Variants in FCGR3A observed in about 807,000 individuals in gnomAD.
FCGR3A encodes Fc gamma receptor IIIa, also known as low affinity immunoglobulin gamma Fc region receptor III-A.
In FCGR3A, 13 loss-of-function variants were observed where a neutral mutation model predicts 24.1. The ratio of observed to expected loss-of-function variants is 0.54; its 90% CI spans 0.35 to 0.86. The LOEUF (loss-of-function observed/expected upper bound fraction) is 0.86. Among genes scored for constraint, FCGR3A ranks in the 40% least tolerant of loss-of-function variants. The probability of loss-of-function intolerance (pLI) is 0.01; values close to 1 mark genes in which losing one functional copy is unlikely to be tolerated. For synonymous variants in FCGR3A, 93 were observed against 112.2 expected (o/e 0.83, Z 1.08); for missense variants, 235 against 298.0 (o/e 0.79, Z 1.56).
chr1:161,548,522 C>T lies in FCGR3A; in HGVS notation c.218G>A (p.Ser73Asn), dbSNP rs774794148. 1.9e-6 allele frequency: 3 copies of T among 1,614,026 alleles called. No homozygotes were observed. In the South Asian group the frequency reaches 3.3e-5, roughly 18 times the overall value. ...NESLISSQAS[S>N]YFIDAATVDD... Reference sequence around the variant, plus strand: ...GACTGTGGCAGCGTCAATGAAGTAGCTCGAGGCCTGGCTTGAGATGAGGCT... The same window carrying T: ...GACTGTGGCAGCGTCAATGAAGTAGTTCGAGGCCTGGCTTGAGATGAGGCT... Residue 73 changes from serine to asparagine, a missense_variant, in exon 3 of 5, where the codon AGC (serine) becomes AAC (asparagine). Physicochemically the swap from Ser to Asn is conservative, Grantham distance 46. Coordinates refer to ENST00000443193, the MANE Select transcript of FCGR3A (RefSeq NM_000569.8).
chr1:161,549,829 C>T, upstream of FCGR3A: 4 of 1,613,634 alleles, frequency 2.5e-6, no homozygotes, highest in Non-Finnish European at 3.4e-6. Flanking sequence ...AGCCTTTCCC[C>T]AGCCCCTCCA....
chr1:161,549,863 TC>T (rs1677669180), upstream of FCGR3A: 3 of 1,611,564 alleles, frequency 1.9e-6, no homozygotes, highest in Non-Finnish European at 2.5e-6. Flanking sequence ...CCCACCAATT[TC>T]CTTTTCTTGA....
upstream of FCGR3A, chr1:161,549,896 C>G: frequency 6.3e-7 from 1 of 1,595,568 alleles, no homozygotes; most frequent in Admixed American, 1.7e-5. Flanking sequence ...ACTTCTCAGT[C>G]TGAAGTCTGG....
In FCGR3A at chr1:161,544,758, C is replaced by T; in HGVS notation, c.520G>A (p.Gly174Arg). 1 of 1,612,848 alleles carries T rather than the reference C, an allele frequency of 6.2e-7. No individual in the cohort carries two copies. The highest frequency in any genetic ancestry group is 8.5e-7 in the Non-Finnish European group (1 of 1,179,016). ...LKDSGSYFCRGLFGSKNVSSE... is the reference protein window; with the variant it reads ...LKDSGSYFCRRLFGSKNVSSE... The stretch of plus-strand genomic sequence containing the variant: ...GACACATTTTTACTCCCAAAAAGCC[C>T]CCTGCAGAAGTAGGAGCCGCTGTCT... Residue 174 changes from glycine to arginine, a missense_variant, in exon 4 of 5, where the codon GGG (glycine) becomes AGG (arginine). Transcript: ENST00000443193.
intron 4 of FCGR3A, 104 bp from the exon 5 acceptor site, chr1:161,543,303 A>T (rs532772552): frequency 7.4e-7 from 1 of 1,351,506 alleles, no homozygotes; most frequent in Non-Finnish European, 1.0e-6. Flanking sequence ...AACAGCCAAC[A>T]GGCAAGTGGT....
At chr1:161,546,405 G>A (rs1399217413) in intron 3 of FCGR3A, among the ~76,000 whole-genome samples, 1 of 152,122 alleles carries the variant, frequency 6.6e-6, no homozygotes, top group Admixed American at 6.5e-5. Context: ...ATTTCATCAA[G>A]CACTCACTAT....
Position 161,548,673 on chromosome 1 carries a change from G to A in FCGR3A, c.67C>T (p.Leu23Phe), listed in dbSNP as rs1437138168. 6.8e-6 allele frequency: 11 copies of A among 1,613,766 alleles called. No homozygotes were observed. The highest frequency in any genetic ancestry group is 1.3e-5 in the African/African-American group (1 of 74,890). Residue 23 changes from leucine (L) to phenylalanine (F), a missense_variant, in exon 3 of 5, where the codon CTC becomes TTC. Leu to Phe is a conservative substitution (Grantham distance 22, BLOSUM62 0). Transcript: ENST00000443193. ...TCCAGGAACACCACAGCCTTTGGGA[G>A]ATCTTCTGAGGAGCCAAGATAATGT... is the stretch of plus-strand genomic sequence containing the variant. ...LVSAGMRTEDLPKAVVFLEPQ... is the reference protein window; with the variant it reads ...LVSAGMRTEDFPKAVVFLEPQ...
intron 3 of FCGR3A, among the ~76,000 whole-genome samples, chr1:161,546,758 A>G (rs1210902707): frequency 2.0e-5 from 3 of 151,870 alleles, no homozygotes; most frequent in Non-Finnish European, 4.4e-5. Flanking sequence ...ACAAAAAATT[A>G]GCCGGGCGTG....
rs1279191090 is a variant in FCGR3A, at chr1:161,542,548, C to T, written c.*464G>A. 6.5e-6 allele frequency: 1 copy of T among 154,214 alleles called. No homozygotes were observed. The allele number at this position is 154,214 out of a possible 1,614,324, so 9.6% of individuals were successfully genotyped here. A position where few individuals can be genotyped will look rare whatever the true frequency, so the allele number is the denominator to read the frequency against. On this transcript the variant is annotated 3_prime_UTR_variant, in exon 5 of 5. Transcript: ENST00000443193. ...TTCTCAGCCATGCTTTCATTGGTCC[C>T]ACTGAATTCCCTAGATCCCCAGCAG...
At chr1:161,549,974 C>T (rs1677682680), upstream of FCGR3A, 3 of 965,300 alleles carry the variant, frequency 3.1e-6, no homozygotes, top group South Asian at 1.7e-5. Flanking sequence ...GTGGGTCTGC[C>T]CCCTTTACTC....
intron 1 of FCGR3A, 146 bp downstream of exon 1, chr1:161,549,551 C>G: frequency 6.9e-7 from 1 of 1,453,202 alleles, no homozygotes; most frequent in South Asian, 1.5e-5. Context: ...CCCATCTTGG[C>G]TTGTCCTAGG....
At chr1:161,547,418 T>A (rs1251762003) in intron 3 of FCGR3A, among the ~76,000 whole-genome samples, 2 of 152,130 alleles carry the variant, frequency 1.3e-5, no homozygotes, top group East Asian at 3.8e-4. Context: ...AGAGTTAGGT[T>A]TGCAGGGCGA....
intron 3 of FCGR3A, among the ~76,000 whole-genome samples, chr1:161,548,219 C>A (rs1378340674): frequency 6.6e-6 from 1 of 152,306 alleles, no homozygotes; most frequent in Non-Finnish European, 1.5e-5. Context: ...AGTCCTATAT[C>A]TACTGTCTGA....
At chr1:161,546,754 A>C (rs1339988346) in intron 3 of FCGR3A, among the ~76,000 whole-genome samples, 2 of 151,710 alleles carry the variant, frequency 1.3e-5, no homozygotes, top group African/African-American at 2.4e-5. Flanking sequence ...AAATACAAAA[A>C]ATTAGCCGGG....
intron 4 of FCGR3A, among the ~76,000 whole-genome samples, chr1:161,543,413 A>G (rs1165543410): frequency 6.6e-6 from 1 of 152,188 alleles, no homozygotes; most frequent in Admixed American, 6.5e-5. Flanking sequence ...ACACTGAGCA[A>G]AGGCTCCTGC....
chr1:161,549,094 G>C lies in FCGR3A; in HGVS notation c.41-63C>G, dbSNP rs1391153470. ...CAGAGATCAGAGTGATTAGAACATA[G>C]AGTGAGTTTAAAACTCCCCTGCCCT... On this transcript the variant is annotated intron_variant, in intron 1 of 4. Coordinates refer to ENST00000443193, the MANE Select transcript of FCGR3A (RefSeq NM_000569.8). 4.1e-6 allele frequency: 6 copies of C among 1,461,214 alleles called. 1 individual carries two copies. Among genetic ancestry groups the C allele is most frequent in the Admixed American group, 3.7e-5 (2 of 53,846 alleles). The allele number at this position is 1,461,214 out of a possible 1,614,324, so 90.5% of individuals were successfully genotyped here.
chr1:161,549,712 C>A lies in FCGR3A; in HGVS notation c.25G>T (p.Ala9Ser). Residue 9 changes from alanine (A) to serine (S), a missense_variant, in exon 1 of 5, where the codon GCT becomes TCT. Coordinates refer to ENST00000443193, the MANE Select transcript of FCGR3A (RefSeq NM_000569.8). MWQLLLPT[A>S]LLLLVSAGMR... ...CCTGACTTACCTAGAAGTAGCAGAGCAGTTGGGAGGAGCAGCTGCCACATG... is the reference window on the plus strand; with the variant it reads ...CCTGACTTACCTAGAAGTAGCAGAGAAGTTGGGAGGAGCAGCTGCCACATG... 1 of 1,613,872 alleles carries A rather than the reference C, an allele frequency of 6.2e-7. No individual in the cohort carries two copies. The highest frequency in any genetic ancestry group is 8.5e-7 in the Non-Finnish European group (1 of 1,179,890).
rs191305427 is a variant in FCGR3A, at chr1:161,549,639, C to T, written c.40+58G>A. 7.8e-4 allele frequency: 1,259 copies of T among 1,604,420 alleles called. 10 individuals carry two copies. The African/African-American group carries it at 0.015, about 19-fold the overall frequency. ...TCTCATTCGTAGCCTGAAAAGGGGT[C>T]TCTGCTGAACCCAAGGCATCTCAAA... On this transcript the variant is annotated intron_variant, in intron 1 of 4. Coordinates refer to ENST00000443193, the MANE Select transcript of FCGR3A (RefSeq NM_000569.8).
At chr1:161,543,827 C>T (rs1264349062) in intron 4 of FCGR3A, among the ~76,000 whole-genome samples, 2 of 152,238 alleles carry the variant, frequency 1.3e-5, no homozygotes, top group Non-Finnish European at 2.9e-5. Context: ...CAATTTATGT[C>T]TTGGGCTAGT....
Sources: gnomAD v4.1 joint callset for allele counts (sites outside exome capture counted in the v4.1 genomes callset) on GRCh38, gnomAD v4.1.1 for gene constraint, MANE v1.5 for transcripts, NCBI Gene and HGNC (gene_info 2026-07-23, HGNC 2026-07-21) for gene names.